COL5A3: variants seen among roughly 807,000 people sequenced by gnomAD.
COL5A3 encodes the protein collagen alpha-3(V) chain.
A neutral mutation model predicts 250.0 loss-of-function variants in COL5A3; 172 were observed. The observed-to-expected ratio is 0.69, with a 90% CI of 0.61 to 0.78. COL5A3 has a LOEUF of 0.78. Among genes scored for constraint, COL5A3 ranks in the 30% least tolerant of loss-of-function variants. The pLI is 0.00. For synonymous variants in COL5A3, 937 were observed against 900.4 expected (o/e 1.04, Z -0.73); for missense variants, 2,340 against 2,334.4 (o/e 1.00, Z -0.05).
In COL5A3 at chr19:9,979,771, G is replaced by A. The variant is rs1182581760; in HGVS notation, c.2712+68C>T. ...ACTGCACTCTAGCCCAGGTGACAGA[G>A]TGAGACTCTGTCTCAAAAAGAAAAA... On this transcript the variant is annotated intron_variant, in intron 37 of 66. Transcript: ENST00000264828. 1.3e-5 allele frequency: 18 copies of A among 1,431,110 alleles called. No homozygotes were observed. In the East Asian group the frequency reaches 4.1e-4, roughly 33 times the overall value. 88.7% of individuals were successfully genotyped at this position (1,431,110 alleles called of 1,614,324 possible).
At position 9,989,492 on chromosome 19, in the gene COL5A3, G is replaced by A. The variant is rs765381358; in HGVS notation, c.2023C>T (p.Leu675Phe). Reference sequence around the variant, plus strand: ...ACCAGAGGGCCATCGGATCCTGGGAGGCCTGGAATTCCTGGGTTTCCAGGG... The same window carrying A: ...ACCAGAGGGCCATCGGATCCTGGGAAGCCTGGAATTCCTGGGTTTCCAGGG... ...GPPGNPGIPG[L>F]PGSDGPLGHP... The change falls in exon 25 of 67, where the codon CTC becomes TTC. Residue 675 changes from leucine to phenylalanine, a missense_variant. Transcript: ENST00000264828. 6 of 1,613,080 alleles carry A rather than the reference G, an allele frequency of 3.7e-6. No individual in the cohort carries two copies. Among genetic ancestry groups the A allele is most frequent in the Non-Finnish European group, 5.1e-6 (6 of 1,179,546 alleles).
chr19:9,978,937 G>C lies in COL5A3; in HGVS notation c.2918C>G (p.Ala973Gly), dbSNP rs765402276. The C allele has an allele frequency of 1.3e-6, 2 of 1,529,206 alleles. No homozygotes were observed. The highest frequency in any genetic ancestry group is 1.8e-6 in the Non-Finnish European group (2 of 1,141,424). The allele number at this position is 1,529,206 out of a possible 1,614,324, so 94.7% of individuals were successfully genotyped here. The change falls in exon 40 of 67, where the codon GCT (alanine) becomes GGT (glycine). Residue 973 changes from alanine (A) to glycine (G), a missense_variant. Transcript: ENST00000264828. Reference sequence around the variant, plus strand: ...GGGGCCGGGAAAGCCCCTGAGTCCAGCTGGCCCTTCTTTCCCAAGGGGTCC... The same window carrying C: ...GGGGCCGGGAAAGCCCCTGAGTCCACCTGGCCCTTCTTTCCCAAGGGGTCC... Reference protein sequence around the residue: ...PPGPLGKEGPAGLRGFPGPKG... With the variant: ...PPGPLGKEGPGGLRGFPGPKG...
At chr19:9,970,464 T>A (rs74180157) in intron 54 of COL5A3, among the ~76,000 whole-genome samples, 158 bp downstream of exon 54, 3,137 of 15,926 alleles carry the variant, frequency 0.2, 350 homozygotes, top group South Asian at 0.37. Context: ...TCTGTGGGTG[T>A]GTGGGGTCTG....
At chr19:10,001,005 G>A (rs2087352498) in intron 8 of COL5A3, among the ~76,000 whole-genome samples, 1 of 151,966 alleles carries the variant, frequency 6.6e-6, no homozygotes, top group African/African-American at 2.4e-5. Flanking sequence ...CTTAATACCT[G>A]AGTAATGAAA....
intron 16 of COL5A3, 51 bp from the exon 17 acceptor site, chr19:9,993,857 T>TCCA (rs2087232959): frequency 6.6e-7 from 1 of 1,516,816 alleles, no homozygotes; most frequent in Non-Finnish European, 9.0e-7. Flanking sequence ...CCTGTACCCC[T>TCCA]CCACCAAATT....
In COL5A3 at chr19:9,994,740, C is replaced by T. The variant is rs1011786846; in HGVS notation, c.1587+824G>A. Among the ~76,000 whole-genome samples the T allele has an allele frequency of 2.0e-5, 3 of 150,746 alleles. 1 individual carries two copies. Among genetic ancestry groups the T allele is most frequent in the Admixed American group, 1.3e-4 (2 of 15,078 alleles). ...CAACCTACCAAACACCCAGGCTATGCGGTATAACCTAGTGCTCTCAGACTA... is the reference window on the plus strand; with the variant it reads ...CAACCTACCAAACACCCAGGCTATGTGGTATAACCTAGTGCTCTCAGACTA... On this transcript the variant is annotated intron_variant, in intron 16 of 66. Coordinates refer to ENST00000264828, the MANE Select transcript of COL5A3 (RefSeq NM_015719.4).
In COL5A3 at chr19:10,002,832, C is replaced by G. The variant is rs542761998; in HGVS notation, c.849+733G>C. On this transcript the variant is annotated intron_variant, in intron 6 of 66. Coordinates refer to ENST00000264828, the MANE Select transcript of COL5A3 (RefSeq NM_015719.4). Reference sequence around the variant, plus strand: ...ATAATTCCCTCAGGGACTCCCAAACCAATTACCCCATCTGCGACCCCCTGA... The same window carrying G: ...ATAATTCCCTCAGGGACTCCCAAACGAATTACCCCATCTGCGACCCCCTGA... Among the ~76,000 whole-genome samples the G allele has an allele frequency of 9.9e-5, 15 of 152,158 alleles. 1 individual carries two copies. In the East Asian group the frequency reaches 1.5e-3, roughly 16 times the overall value.
intron 4 of COL5A3, among the ~76,000 whole-genome samples, chr19:10,004,372 C>T (rs1318681077): frequency 6.6e-6 from 1 of 152,182 alleles, no homozygotes; most frequent in East Asian, 1.9e-4. Context: ...CACACCCGAT[C>T]CCAACCACAA....
chr19:9,973,080 G>C, intron 50 of COL5A3, 54 bp from the exon 51 acceptor site: 1 of 1,468,454 alleles, frequency 6.8e-7, no homozygotes, highest in Non-Finnish European at 9.3e-7. Context: ...AGGGATCAAG[G>C]ATTAGCATAC....
At position 9,968,709 on chromosome 19, in the gene COL5A3, C is replaced by T. The variant is rs765814466; in HGVS notation, c.4172G>A (p.Gly1391Glu). The change falls in exon 58 of 67, where the codon GGG becomes GAG. Residue 1391 changes from glycine to glutamate, a missense_variant. By Grantham distance (98) the Gly-to-Glu change is moderately conservative. Around this residue, in one of 3 missense-constraint regions of COL5A3, gnomAD observed 1,179 missense variants for 1,162.6 expected, o/e 1.01. Coordinates refer to ENST00000264828, the MANE Select transcript of COL5A3 (RefSeq NM_015719.4). The surrounding 1 kb of genome is among the most constrained non-coding windows in gnomAD (Gnocchi z 4.1). ...CTTGGGGCCAGTGTCTCCCTTCAGCCCTGGGAGGCCAGAGGGCCCCTGGGA... is the reference window on the plus strand; with the variant it reads ...CTTGGGGCCAGTGTCTCCCTTCAGCTCTGGGAGGCCAGAGGGCCCCTGGGA... ...PGPLGPSGLP[G>E]LKGDTGPKGE... The T allele has an allele frequency of 1.2e-6, 2 of 1,605,614 alleles. No individual in the cohort carries two copies. The highest frequency in any genetic ancestry group is 1.7e-6 in the Non-Finnish European group (2 of 1,177,510).
chr19:10,006,340 C>T lies in COL5A3; in HGVS notation c.89-109G>A, dbSNP rs1302453411. The T allele has an allele frequency of 1.7e-5, 18 of 1,090,134 alleles. No homozygotes were observed. In the East Asian group the frequency reaches 4.8e-4, roughly 29 times the overall value. 67.5% of individuals were successfully genotyped at this position (1,090,134 alleles called of 1,614,324 possible). A position where few individuals can be genotyped will look rare whatever the true frequency, so the allele number is the denominator to read the frequency against. ...GTTTTTTTAGGGGGCTCAGCCTCTCCCTCCCTCCCACCATGTTTGTGGCTC... is the reference window on the plus strand; with the variant it reads ...GTTTTTTTAGGGGGCTCAGCCTCTCTCTCCCTCCCACCATGTTTGTGGCTC... On this transcript the variant is annotated intron_variant, in intron 1 of 66. Transcript: ENST00000264828.
Position 9,991,818 on chromosome 19 carries a change from AG to A in COL5A3, c.1916del (p.Pro639LeufsTer76). On this transcript the variant is annotated frameshift_variant, in exon 23 of 67. Coordinates refer to ENST00000264828, the MANE Select transcript of COL5A3 (RefSeq NM_015719.4). LOFTEE classifies it high-confidence loss of function. ...ACCCATGGTTTCCCTGCTGTCCCGGAGGGCCTGGTTCTCCTGGAGGACCCTG... is the reference window on the plus strand; with the variant it reads ...ACCCATGGTTTCCCTGCTGTCCCGGAGGCCTGGTTCTCCTGGAGGACCCTG... ...GNVGPPGEPG[P>X]PGQQGNHGSQ... The A allele has an allele frequency of 6.2e-7, 1 of 1,609,004 alleles. No individual in the cohort carries two copies. Among genetic ancestry groups the A allele is most frequent in the African/African-American group, 1.3e-5 (1 of 74,658 alleles).
At chr19:9,997,208 A>G in intron 11 of COL5A3, 163 bp downstream of exon 11, 1 of 673,186 alleles carries the variant, frequency 1.5e-6, no homozygotes, top group East Asian at 2.7e-5. Flanking sequence ...GGTGAACCAG[A>G]GAAATAGTTC....
chr19:9,970,873 C>A (rs529088765), intron 53 of COL5A3, 102 bp downstream of exon 53: 4 of 1,171,628 alleles, frequency 3.4e-6, no homozygotes, highest in Non-Finnish European at 4.7e-6. Flanking sequence ...TCTGCAGGGG[C>A]CTTGGGTACC....
Position 9,976,561 on chromosome 19 carries a change from G to A in COL5A3, c.3339C>T (p.Pro1113=). The change falls in exon 45 of 67, where the codon CCC becomes CCT. Residue 1113 remains proline, a synonymous_variant. Transcript: ENST00000264828. The stretch of plus-strand genomic sequence containing the variant: ...CTGAAAAGATGGGGGCACTCACCGG[G>A]GGACCTGGGTGTCCTGCAGGACCCC... The part of the protein sequence containing the change: ...GIRGPAGHPG[P]PGADGAQGRR... The A allele has an allele frequency of 6.4e-7, 1 of 1,567,620 alleles. No individual in the cohort carries two copies. The highest frequency in any genetic ancestry group is 1.2e-5 in the South Asian group (1 of 82,182).
intron 54 of COL5A3, among the ~76,000 whole-genome samples, chr19:9,970,212 TGGGTGAGTGGGGGCTGTG>T (rs1481163045): frequency 0.05 from 469 of 9,458 alleles, 34 homozygotes; most frequent in Non-Finnish European, 0.058. Flanking sequence ...GTGGGGGCTG[TGGGTGAGTGGGGGCTGTG>T]GGGTGAGTGG....
intron 24 of COL5A3, 41 bp from the exon 25 acceptor site, chr19:9,989,563 A>G: frequency 6.5e-7 from 1 of 1,546,372 alleles, no homozygotes; most frequent in Non-Finnish European, 8.8e-7. Flanking sequence ...AGAGGTGCTC[A>G]GAGCCCTGGA....
At chr19:9,962,273 A>AT (rs2086685112) in intron 65 of COL5A3, among the ~76,000 whole-genome samples, 1 of 151,908 alleles carries the variant, frequency 6.6e-6, no homozygotes, top group Non-Finnish European at 1.5e-5. Context: ...TGTCTGGCTA[A>AT]TTTTTTGTAT....
chr19:9,979,521 G>A, intron 37 of COL5A3, 104 bp from the exon 38 acceptor site: 2 of 1,254,390 alleles, frequency 1.6e-6, no homozygotes, highest in Non-Finnish European at 2.3e-6. Context: ...CCGGTCCGGT[G>A]GCTCACGCCT....
Sources: gnomAD v4.1 joint callset for allele counts (sites outside exome capture counted in the v4.1 genomes callset) on GRCh38, gnomAD v4.1.1 for gene constraint, gnomAD v4.1.1 regional missense constraint, Gnocchi (gnomAD v3.1) non-coding constraint, MANE v1.5 for transcripts, NCBI Gene and HGNC (gene_info 2026-07-23, HGNC 2026-07-21) for gene names.